RAD52: variants seen among roughly 807,000 people sequenced by gnomAD.
The protein encoded by RAD52 is RAD52 DNA repair protein.
A neutral mutation model predicts 55.5 loss-of-function variants in RAD52; 47 were observed. The observed-to-expected ratio is 0.85, with a 90% confidence interval of 0.67 to 1.08. RAD52 has a LOEUF of 1.08. Among genes scored for constraint, RAD52 ranks in the 50% least tolerant of loss-of-function variants. The pLI is 0.00. For synonymous variants in RAD52, 184 were observed against 198.9 expected, an observed-to-expected ratio of 0.92 and a Z score of 0.63; for missense variants, 468 against 522.8, an observed-to-expected ratio of 0.90 and a Z score of 1.02.
intron 1 of RAD52, among the ~76,000 whole-genome samples, chr12:982,671 T>TC (rs1291488869): frequency 6.7e-6 from 1 of 149,474 alleles, no homozygotes; most frequent in Non-Finnish European, 1.5e-5. Flanking sequence ...TTTTTTTTTT[T>TC]TTTTTGGCGG....
At chr12:986,276 T>A (rs1959085019) in intron 1 of RAD52, among the ~76,000 whole-genome samples, 1 of 151,724 alleles carries the variant, frequency 6.6e-6, no homozygotes, top group Non-Finnish European at 1.5e-5. Flanking sequence ...GTTGCCCAGG[T>A]TGGCTTTGAA....
chr12:914,258 TA>T, intron 10 of RAD52, 137 bp from the exon 11 acceptor site: 1 of 1,291,214 alleles, frequency 7.7e-7, no homozygotes, highest in Non-Finnish European at 1.1e-6. Flanking sequence ...CCCCTCCCCC[TA>T]AAAGTACACT....
rs1210447946 is a variant in RAD52 at position 913,770 on chromosome 12, C to A, written c.1195+124G>T. The A allele has an allele frequency of 6.7e-6, 6 of 893,438 alleles. No individual in the cohort carries two copies. In the African/African-American group the frequency reaches 8.4e-5, roughly 12 times the overall value. 55.3% of individuals were successfully genotyped at this position (893,438 alleles called of 1,614,324 possible). A position where few individuals can be genotyped will look rare whatever the true frequency, so the allele number is the denominator to read the frequency against. On this transcript the variant is annotated intron_variant, in intron 11 of 11. Transcript: ENST00000358495. The stretch of plus-strand genomic sequence containing the variant: ...ATCAATTCTGTTCTACTTGCAGTAC[C>A]ATTCCCTAATAGAAGTTCCCGATTC...
upstream of RAD52, chr12:990,936 T>TGG (rs1004993861): frequency 2.7e-5 from 1 of 36,444 alleles, no homozygotes; most frequent in Non-Finnish European, 8.0e-5. Flanking sequence ...GCAGGGGTCG[T>TGG]GTGTGTGTGT....
At chr12:983,724 G>A (rs1427443826) in intron 1 of RAD52, among the ~76,000 whole-genome samples, 5 of 152,090 alleles carry the variant, frequency 3.3e-5, no homozygotes, top group African/African-American at 1.2e-4. Context: ...GCGGCCGGCT[G>A]CATCTTCTTG....
At chr12:945,667 C>G (rs536843076) in intron 1 of RAD52, among the ~76,000 whole-genome samples, 168 of 150,582 alleles carry the variant, frequency 1.1e-3, no homozygotes, top group African/African-American at 3.9e-3. Context: ...AACTCCTGAC[C>G]TCAGGTGATC....
chr12:916,918 G>A, intron 7 of RAD52, 98 bp from the exon 8 acceptor site: 2 of 1,493,602 alleles, frequency 1.3e-6, no homozygotes, highest in Non-Finnish European at 1.8e-6. Context: ...AATCGCATTT[G>A]ACATCCTCCA....
intron 9 of RAD52, among the ~76,000 whole-genome samples, chr12:915,371 G>C (rs1956302059): frequency 2.0e-5 from 3 of 152,216 alleles, no homozygotes; most frequent in Admixed American, 2.0e-4. Context: ...ATTTCAGCCT[G>C]TCGGTGCTGA....
In RAD52 at chr12:925,396, A is replaced by T. The variant is rs879912288; in HGVS notation, c.543+54T>A. On this transcript the variant is annotated intron_variant, in intron 7 of 11. Transcript: ENST00000358495. ...GCATCCTCCAAATACTCAACCCATG[A>T]CACACAAGAGTTTGCCGCATTATCT... 3.1e-4 allele frequency: 445 copies of T among 1,440,100 alleles called. 3 individuals carry two copies. The highest frequency in any genetic ancestry group is 8.7e-4 in the Middle Eastern group (5 of 5,744). The allele number at this position is 1,440,100 out of a possible 1,614,324, so 89.2% of individuals were successfully genotyped here. A position where few individuals can be genotyped will look rare whatever the true frequency, so the allele number is the denominator to read the frequency against.
chr12:974,851 T>C (rs1018863086), intron 1 of RAD52: 1 of 152,192 alleles, frequency 6.6e-6, no homozygotes, highest in East Asian at 1.9e-4. Flanking sequence ...GTTTACATCA[T>C]AATATGAACC....
At chr12:924,266 C>G (rs1956902148) in intron 7 of RAD52, among the ~76,000 whole-genome samples, 1 of 150,996 alleles carries the variant, frequency 6.6e-6, no homozygotes, top group African/African-American at 2.4e-5. Context: ...AAAAATTAGC[C>G]AGGCGTGGTG....
intron 2 of RAD52, among the ~76,000 whole-genome samples, chr12:931,799 G>A (rs937152493): frequency 1.3e-5 from 2 of 152,146 alleles, no homozygotes; most frequent in African/African-American, 4.8e-5. Context: ...AAGAGCACGG[G>A]GGTAGGAAGC....
chr12:990,231 A>AT (rs1959168874), upstream of RAD52: 1 of 152,138 alleles, frequency 6.6e-6, no homozygotes, highest in African/African-American at 2.4e-5. Context: ...GACACCGAAA[A>AT]TTATTTTAAT....
At chr12:916,972 G>T in intron 7 of RAD52, 152 bp from the exon 8 acceptor site, 1 of 1,067,572 alleles carries the variant, frequency 9.4e-7, no homozygotes, top group Non-Finnish European at 1.3e-6. Context: ...AGCAGGAGGA[G>T]CCAAACAATT....
chr12:971,808 C>G (rs1177352745), intron 1 of RAD52, among the ~76,000 whole-genome samples: 2 of 151,502 alleles, frequency 1.3e-5, no homozygotes, highest in Admixed American at 6.6e-5. Context: ...AGTGCAGTGG[C>G]GCGATCTCGG....
chr12:931,719 G>C (rs1178753854), intron 2 of RAD52, among the ~76,000 whole-genome samples: 5 of 152,208 alleles, frequency 3.3e-5, no homozygotes, highest in Non-Finnish European at 1.5e-5. Context: ...AAATGTTTCT[G>C]AAGCTTAGGA....
chr12:916,695 G>C lies in RAD52; in HGVS notation c.669C>G (p.Thr223=), dbSNP rs890226763. 7 of 1,614,020 alleles carry C rather than the reference G, an allele frequency of 4.3e-6. No individual in the cohort carries two copies. The highest frequency in any genetic ancestry group is 5.9e-6 in the Non-Finnish European group (7 of 1,180,010). The change falls in exon 8 of 12, where the codon ACC becomes ACG. Residue 223 remains threonine (T), a synonymous_variant. Coordinates refer to ENST00000358495, the MANE Select transcript of RAD52 (RefSeq NM_134424.4). ...CAGCATGGCTGGGTCTGGAAGGGGA[G>C]GTCACCTGCTGCAGCTGTGGGTGTC... ...ALGHPQLQQV[T]SPSRPSHAVI... is the part of the protein sequence containing the mutation.
intron 1 of RAD52, among the ~76,000 whole-genome samples, chr12:979,948 GA>G (rs1958989559): frequency 6.6e-6 from 1 of 151,966 alleles, no homozygotes; most frequent in South Asian, 2.1e-4. Flanking sequence ...TCGGGAGGCC[GA>G]GGCAGGAGAA....
rs546210386 is a variant in RAD52, at chr12:927,589, G to C, written c.349-326C>G. Among the ~76,000 whole-genome samples the C allele has an allele frequency of 1.8e-4, 27 of 152,248 alleles. 1 individual carries two copies. In the South Asian group the frequency reaches 5.2e-3, roughly 29 times the overall value. ...AAAAAACCTCTGGGATGGCCGGGCCGGGCGTGGTGGCTCACGCTGTAATCC... is the reference window on the plus strand; with the variant it reads ...AAAAAACCTCTGGGATGGCCGGGCCCGGCGTGGTGGCTCACGCTGTAATCC... On this transcript the variant is annotated intron_variant, in intron 5 of 11. Transcript: ENST00000358495.
Sources: gnomAD v4.1 joint callset for allele counts (sites outside exome capture counted in the v4.1 genomes callset) on GRCh38, gnomAD v4.1.1 for gene constraint, MANE v1.5 for transcripts, NCBI Gene and HGNC (gene_info 2026-07-23, HGNC 2026-07-21) for gene names.